Variants in IREB2 observed in about 807,000 individuals in gnomAD.
The protein encoded by IREB2 is iron-responsive element-binding protein 2.
In IREB2, 39 loss-of-function variants were observed where a neutral mutation model predicts 118.8. The observed-to-expected ratio is 0.33, with a 90% CI of 0.25 to 0.43. The LOEUF is 0.43. Ranked by LOEUF, IREB2 falls within the 20% of genes least tolerant of loss-of-function variation. The pLI, the probability that IREB2 is intolerant of heterozygous loss-of-function variation, is 1.00. For synonymous variants in IREB2, 372 were observed against 392.2 expected (o/e 0.95, Z 0.61); for missense variants, 900 against 1,147.3 (o/e 0.78, Z 3.11).
rs1266589467 is a variant in IREB2, at chr15:78,500,804, T to G, written c.*2661T>G. On this transcript the variant is annotated 3_prime_UTR_variant, in exon 22 of 22. Transcript: ENST00000258886. Reference sequence around the variant, plus strand: ...TTCTAAGATGACAGTTATCACTATTTTGTTTTATCTCCATGCTGACATTTG... The same window carrying G: ...TTCTAAGATGACAGTTATCACTATTGTGTTTTATCTCCATGCTGACATTTG... 1 of 152,240 alleles carries G rather than the reference T, an allele frequency of 6.6e-6. No individual in the cohort carries two copies. The highest frequency in any genetic ancestry group is 2.4e-5 in the African/African-American group (1 of 41,460). 9.4% of individuals were successfully genotyped at this position (152,240 alleles called of 1,614,324 possible). A position where few individuals can be genotyped will look rare whatever the true frequency, so the allele number is the denominator to read the frequency against.
chr15:78,447,883 AACTCCCTGTGCC>A (rs1288492207), intron 2 of IREB2, among the ~76,000 whole-genome samples: 3 of 152,236 alleles, frequency 2.0e-5, no homozygotes, highest in African/African-American at 7.2e-5. Context: ...GTGCTTGGCG[AACTCCCTGTGCC>A]ACTGGCCAGA....
At chr15:78,497,945 C>A (rs2051865695) in intron 21 of IREB2, 88 bp from the exon 22 acceptor site, 2 of 712,564 alleles carry the variant, frequency 2.8e-6, no homozygotes, top group South Asian at 1.7e-5. Flanking sequence ...CAAGTATAGT[C>A]ATTAAATATG....
chr15:78,456,001 A>T (rs1249801938), intron 2 of IREB2, among the ~76,000 whole-genome samples: 4 of 152,192 alleles, frequency 2.6e-5, no homozygotes, highest in Non-Finnish European at 5.9e-5. Context: ...CAATAGTCTC[A>T]TAATAGGCTG....
At position 78,481,522 on chromosome 15, in the gene IREB2, A is replaced by ATTTTT. The variant is rs145058390; in HGVS notation, c.1297-1784_1297-1780dup. 7.5e-4 allele frequency among the ~76,000 whole-genome samples: 104 copies of ATTTTT among 137,958 alleles called. 1 individual carries two copies. Among genetic ancestry groups the ATTTTT allele is most frequent in the African/African-American group, 2.5e-3 (94 of 37,172 alleles). The allele number at this position is 137,958 out of a possible 152,430, so 90.5% of individuals were successfully genotyped here. On this transcript the variant is annotated intron_variant, in intron 10 of 21. Transcript: ENST00000258886. Reference sequence around the variant, plus strand: ...AGGTGCCCGCCACCACACCTCGCTAATTTTTTTTTTTTTTTTGTATTTTTA... The same window carrying ATTTTT: ...AGGTGCCCGCCACCACACCTCGCTAATTTTTTTTTTTTTTTTTTTTTGTATTTTTA...
intron 13 of IREB2, among the ~76,000 whole-genome samples, chr15:78,486,582 G>A (rs181297971): frequency 1.4e-3 from 212 of 152,242 alleles, no homozygotes; most frequent in African/African-American, 5.1e-3. Flanking sequence ...TCCAGCCTGG[G>A]CGACAGAGCG....
rs2051933001 is a variant in IREB2 at position 78,500,920 on chromosome 15, C to T, written c.*2777C>T. The stretch of plus-strand genomic sequence containing the variant: ...GTACTAAAGGAAAGTAAAGCTAGGA[C>T]CTAAATCAGAATCATAGTTGCCTGC... On this transcript the variant is annotated 3_prime_UTR_variant, in exon 22 of 22. Coordinates refer to ENST00000258886, the MANE Select transcript of IREB2 (RefSeq NM_004136.4). The T allele has an allele frequency of 6.6e-6, 1 of 152,172 alleles. No homozygotes were observed. Among genetic ancestry groups the T allele is most frequent in the Admixed American group, 6.5e-5 (1 of 15,272 alleles). The allele number at this position is 152,172 out of a possible 1,614,324, so 9.4% of individuals were successfully genotyped here.
intron 21 of IREB2, 113 bp from the exon 22 acceptor site, chr15:78,497,920 A>C: frequency 3.3e-6 from 2 of 602,592 alleles, no homozygotes; most frequent in South Asian, 4.5e-5. Flanking sequence ...AAGATAAATC[A>C]GACAGAATCT....
rs1011945761 is a variant in IREB2 at position 78,465,257 on chromosome 15, A to G, written c.279A>G (p.Ile93Met). The stretch of plus-strand genomic sequence containing the variant: ...ACCATTCTTTATTTTTTAGTGGAAT[A>G]CCAGCAATGGTGGATTTTGCTGCTA... Reference protein sequence around the residue: ...ARVLLQDFTGIPAMVDFAAMR... With the variant: ...ARVLLQDFTGMPAMVDFAAMR... The change falls in exon 4 of 22, where the codon ATA (isoleucine) becomes ATG (methionine). Residue 93 changes from isoleucine (I) to methionine (M), a missense_variant. Coordinates refer to ENST00000258886, the MANE Select transcript of IREB2 (RefSeq NM_004136.4). The G allele has an allele frequency of 2.5e-6, 4 of 1,607,144 alleles. No individual in the cohort carries two copies. The highest frequency in any genetic ancestry group is 3.4e-6 in the Non-Finnish European group (4 of 1,177,572).
chr15:78,459,792 A>G (rs2051167220), intron 2 of IREB2, among the ~76,000 whole-genome samples: 1 of 151,292 alleles, frequency 6.6e-6, no homozygotes, highest in Non-Finnish European at 1.5e-5. Flanking sequence ...GTTTCTTGTA[A>G]TCTGTAATAG....
At chr15:78,472,816 T>C (rs188703251) in intron 7 of IREB2, among the ~76,000 whole-genome samples, 2 of 152,350 alleles carry the variant, frequency 1.3e-5, no homozygotes, top group East Asian at 3.9e-4. Flanking sequence ...ACTCCCTTGC[T>C]GAGTTCAGTG....
At position 78,485,693 on chromosome 15, in the gene IREB2, T is replaced by C; in HGVS notation, c.1574-12T>C. 1.2e-6 allele frequency: 2 copies of C among 1,611,454 alleles called. No individual in the cohort carries two copies. Among genetic ancestry groups the C allele is most frequent in the Non-Finnish European group, 8.5e-7 (1 of 1,178,888 alleles). The stretch of plus-strand genomic sequence containing the variant: ...CATTGCCATAATAAATCATTGTTTG[T>C]TGGCTGTGCAGGTCTTTTGGCTAAA... On this transcript the variant is annotated splice_polypyrimidine_tract_variant and intron_variant, in intron 12 of 21. Transcript: ENST00000258886.
chr15:78,457,661 C>G (rs2051128287), intron 2 of IREB2, among the ~76,000 whole-genome samples: 2 of 152,068 alleles, frequency 1.3e-5, no homozygotes, highest in South Asian at 4.1e-4. Context: ...TCAGCTGTCT[C>G]TCCTCTGTTC....
At chr15:78,443,224 G>A (rs916793101) in intron 2 of IREB2, among the ~76,000 whole-genome samples, 5 of 152,246 alleles carry the variant, frequency 3.3e-5, no homozygotes, top group African/African-American at 1.2e-4. Context: ...TAAAAGTTAT[G>A]TGAATATGGT....
intron 13 of IREB2, 45 bp from the exon 14 acceptor site, chr15:78,487,687 TA>T: frequency 9.9e-7 from 1 of 1,006,988 alleles, no homozygotes; most frequent in Non-Finnish European, 1.6e-6. Flanking sequence ...CCTTTCTCTA[TA>T]AATGTTGTGA....
chr15:78,473,443 G>T (rs1272585838), intron 8 of IREB2, 62 bp downstream of exon 8: 1 of 1,436,524 alleles, frequency 7.0e-7, no homozygotes, highest in Non-Finnish European at 9.7e-7. Flanking sequence ...AAATTGAAGA[G>T]CTCTATGAGA....
intron 2 of IREB2, among the ~76,000 whole-genome samples, chr15:78,449,137 A>G (rs2050980321): frequency 6.6e-6 from 1 of 152,202 alleles, no homozygotes; most frequent in Admixed American, 6.5e-5. Context: ...TTAAACTCAT[A>G]TCTTCTGATT....
chr15:78,461,884 CTT>C (rs2051203316), intron 2 of IREB2, among the ~76,000 whole-genome samples: 1 of 152,110 alleles, frequency 6.6e-6, no homozygotes. Context: ...ATATAGTTTT[CTT>C]TCTTTGTGAT....
In IREB2 at chr15:78,499,498, A is replaced by C. The variant is rs977121234; in HGVS notation, c.*1355A>C. On this transcript the variant is annotated 3_prime_UTR_variant, in exon 22 of 22. Transcript: ENST00000258886. ...ATTAGTTCACATTGCATAAAGAATT[A>C]CTTGTTGTAAGCAAAATGCTGAAAC... The C allele has an allele frequency of 6.6e-6, 1 of 152,236 alleles. No individual in the cohort carries two copies. The highest frequency in any genetic ancestry group is 1.5e-5 in the Non-Finnish European group (1 of 68,032). The allele number at this position is 152,236 out of a possible 1,614,324, so 9.4% of individuals were successfully genotyped here. A position where few individuals can be genotyped will look rare whatever the true frequency, so the allele number is the denominator to read the frequency against.
At chr15:78,455,036 G>A (rs529567022) in intron 2 of IREB2, among the ~76,000 whole-genome samples, 19 of 151,940 alleles carry the variant, frequency 1.3e-4, no homozygotes, top group African/African-American at 4.1e-4. Flanking sequence ...AAGCAGGGAG[G>A]TGATGTGGAG....
Sources: allele counts gnomAD v4.1 joint callset (sites outside exome capture counted in the v4.1 genomes callset), GRCh38; gene constraint gnomAD v4.1.1; transcripts MANE v1.5; gene names NCBI Gene and HGNC (gene_info 2026-07-23, HGNC 2026-07-21).